LCORL: variants seen among roughly 807,000 people sequenced by gnomAD.
LCORL encodes the protein ligand dependent nuclear receptor corepressor like.
Under a neutral mutation model 141.8 loss-of-function variants are expected in LCORL, and 41 were observed. The ratio of observed to expected loss-of-function variants is 0.29; its 90% CI spans 0.23 to 0.38. The LOEUF (loss-of-function observed/expected upper bound fraction) is 0.38. Among genes scored for constraint, LCORL ranks in the 10% least tolerant of loss-of-function variants. The pLI is 1.00. For synonymous variants in LCORL, 618 were observed against 694.1 expected (o/e 0.89, Z 1.72); for missense variants, 1,759 against 2,035.0 (o/e 0.86, Z 2.61).
intron 5 of LCORL, among the ~76,000 whole-genome samples, chr4:17,902,856 AT>A (rs1174275456): frequency 6.6e-6 from 1 of 152,044 alleles, no homozygotes; most frequent in African/African-American, 2.4e-5. Flanking sequence ...TACTGATAAC[AT>A]TTTGAAGTAA....
At chr4:18,012,001 C>G (rs566436581) in intron 1 of LCORL, among the ~76,000 whole-genome samples, 1 of 152,342 alleles carries the variant, frequency 6.6e-6, no homozygotes, top group South Asian at 2.1e-4. Flanking sequence ...GTAAATCCTA[C>G]TCCTGTGTAA....
intron 5 of LCORL, among the ~76,000 whole-genome samples, chr4:17,904,730 T>A (rs1012867047): frequency 2.6e-5 from 4 of 152,174 alleles, no homozygotes; most frequent in East Asian, 1.9e-4. Context: ...GGCTTACTGA[T>A]CTGTCCTACT....
At chr4:17,981,869 GTTA>G (rs1364321755) in intron 1 of LCORL, among the ~76,000 whole-genome samples, 1 of 152,110 alleles carries the variant, frequency 6.6e-6, no homozygotes, top group African/African-American at 2.4e-5. Context: ...ATACCCAATA[GTTA>G]TTTTTTCTGA....
intron 5 of LCORL, among the ~76,000 whole-genome samples, chr4:17,886,423 A>T (rs189775238): frequency 6.6e-6 from 1 of 152,136 alleles, no homozygotes; most frequent in African/African-American, 2.4e-5. Context: ...TCTAAGATAA[A>T]CTTTTAGTCA....
chr4:17,962,081 A>G (rs1274673215), intron 3 of LCORL, 49 bp from the exon 4 acceptor site: 3 of 1,365,832 alleles, frequency 2.2e-6, no homozygotes, highest in South Asian at 1.3e-5. Context: ...TTTAATTCAA[A>G]CATGGAATTC....
intron 1 of LCORL, among the ~76,000 whole-genome samples, chr4:18,005,764 G>A (rs966593170): frequency 2.0e-5 from 3 of 151,894 alleles, no homozygotes; most frequent in Admixed American, 6.6e-5. Context: ...GGAGTGGCTC[G>A]GACACAGAGT....
Position 17,891,158 on chromosome 4 carries a change from T to G in LCORL, c.683-4997A>C, listed in dbSNP as rs374625009. 1.9e-4 allele frequency among the ~76,000 whole-genome samples: 29 copies of G among 152,298 alleles called. 1 individual carries two copies. The South Asian group carries it at 3.1e-3, about 16-fold the overall frequency. ...GTGTGCGAAGCATTTGCTACAAACATTACATGTCTTAACTCATCCAGTTCT... is the reference window on the plus strand; with the variant it reads ...GTGTGCGAAGCATTTGCTACAAACAGTACATGTCTTAACTCATCCAGTTCT... On this transcript the variant is annotated intron_variant, in intron 5 of 7. Coordinates refer to ENST00000635767, the Ensembl canonical transcript of LCORL.
chr4:17,852,544 G>A (rs1723881929), intron 7 of LCORL, among the ~76,000 whole-genome samples: 1 of 152,172 alleles, frequency 6.6e-6, no homozygotes, highest in Non-Finnish European at 1.5e-5. Flanking sequence ...AGAGAAAGAA[G>A]TGGGAGGAGA....
chr4:17,949,378 G>A (rs760377411), intron 4 of LCORL, among the ~76,000 whole-genome samples: 1 of 152,072 alleles, frequency 6.6e-6, no homozygotes, highest in African/African-American at 2.4e-5. Flanking sequence ...CTCAGGTCAT[G>A]CAGACTTGTT....
chr4:17,964,845 G>A (rs7662221), intron 2 of LCORL, among the ~76,000 whole-genome samples: 35,768 of 151,026 alleles, frequency 0.24, 5,385 homozygotes, highest in African/African-American at 0.42. Flanking sequence ...AATTCTGATA[G>A]GTCAAGGAAA....
chr4:17,851,369 T>C (rs1297949268), intron 7 of LCORL, among the ~76,000 whole-genome samples: 1 of 152,178 alleles, frequency 6.6e-6, no homozygotes. Context: ...ATTGTTACCA[T>C]TTTATTGTCT....
intron 4 of LCORL, among the ~76,000 whole-genome samples, chr4:17,939,169 C>T (rs1358774781): frequency 6.6e-6 from 1 of 152,104 alleles, no homozygotes; most frequent in Admixed American, 6.5e-5. Context: ...TCTGTAAGAA[C>T]GTGAAAATGT....
intron 4 of LCORL, among the ~76,000 whole-genome samples, chr4:17,946,710 T>C (rs896617069): frequency 5.9e-5 from 9 of 151,982 alleles, no homozygotes; most frequent in Non-Finnish European, 1.3e-4. Context: ...ATCCCTTAAA[T>C]AGCCCATAAG....
At chr4:17,910,973 T>C (rs1181328969) in intron 4 of LCORL, among the ~76,000 whole-genome samples, 1 of 152,208 alleles carries the variant, frequency 6.6e-6, no homozygotes, top group Non-Finnish European at 1.5e-5. Flanking sequence ...CTATTCGTTT[T>C]GGGGCAGTGG....
chr4:17,877,449 T>C (rs1166001712), exon 7 of LCORL: 4 of 1,229,136 alleles, frequency 3.3e-6, no homozygotes, highest in African/African-American at 1.6e-5. Context: ...TGTAGTAGAA[T>C]TATTGCTGTC....
At chr4:17,906,357 T>C (rs1731618875) in intron 5 of LCORL, among the ~76,000 whole-genome samples, 1 of 152,296 alleles carries the variant, frequency 6.6e-6, no homozygotes, top group African/African-American at 2.4e-5. Context: ...TACCTACTTC[T>C]TTAGCTTCAT....
At chr4:17,892,214 T>TC (rs1227393619) in intron 5 of LCORL, among the ~76,000 whole-genome samples, 2 of 148,628 alleles carry the variant, frequency 1.3e-5, no homozygotes, top group African/African-American at 4.9e-5. Context: ...TTTTTCTTTT[T>TC]TTTTTTTTTT....
rs540836541 is a variant in LCORL at position 17,950,577 on chromosome 4, A to G, written c.430+11326T>C. On this transcript the variant is annotated intron_variant, in intron 4 of 7. Transcript: ENST00000635767. The stretch of plus-strand genomic sequence containing the variant: ...AGGAAAATATCACTGCAAACAATGA[A>G]TGGAGTACGGAAGAATCCAGTACAT... 4.6e-5 allele frequency among the ~76,000 whole-genome samples: 7 copies of G among 152,290 alleles called. No individual in the cohort carries two copies. In the South Asian group the frequency reaches 1.5e-3, roughly 32 times the overall value.
chr4:17,880,800 T>C, intron 6 of LCORL: 4 of 914,528 alleles, frequency 4.4e-6, no homozygotes, highest in Non-Finnish European at 5.2e-6. Flanking sequence ...TTACAGTACA[T>C]TTACAACACA....
Sources: allele counts gnomAD v4.1 joint callset (sites outside exome capture counted in the v4.1 genomes callset), GRCh38; gene constraint gnomAD v4.1.1; transcripts MANE v1.5; gene names NCBI Gene and HGNC (gene_info 2026-07-23, HGNC 2026-07-21).